The following ACO1 variants were observed in gnomAD, a reference collection of about 807,000 sequenced individuals.
ACO1 encodes cytoplasmic aconitate hydratase.
Under a neutral mutation model 105.1 loss-of-function variants are expected in ACO1, and 78 were observed. That is an observed-to-expected ratio of 0.74 (90% CI 0.62 to 0.90). The LOEUF is 0.90. Among genes scored for constraint, ACO1 ranks in the 40% least tolerant of loss-of-function variants. ACO1 has a pLI of 0.00. For missense variants in ACO1, 965 were observed against 1,111.1 expected (o/e 0.87, Z 1.87); for synonymous variants, 364 against 397.4 (o/e 0.92, Z 1.00).
chr9:32,417,299 C>G (rs1215030052), intron 4 of ACO1, among the ~76,000 whole-genome samples: 1 of 152,182 alleles, frequency 6.6e-6, no homozygotes, highest in Non-Finnish European at 1.5e-5. Flanking sequence ...GTGTTAACTA[C>G]TGGGTACTAG....
chr9:32,428,112 C>CA (rs60470407), intron 12 of ACO1, among the ~76,000 whole-genome samples: 100 of 144,886 alleles, frequency 6.9e-4, no homozygotes, highest in Middle Eastern at 3.5e-3. Flanking sequence ...CCTGTTTCTA[C>CA]AAAAAAAAAA....
At chr9:32,449,105 A>C (rs777035579) in intron 20 of ACO1, 24 bp downstream of exon 20, 19 of 1,566,034 alleles carry the variant, frequency 1.2e-5, no homozygotes, top group Non-Finnish European at 1.5e-5. Flanking sequence ...TCTCTATGCC[A>C]GGCCCTGTCG....
Position 32,453,882 on chromosome 9 carries a change from T to A in ACO1, c.*3771T>A, listed in dbSNP as rs1456486999. 6.6e-6 allele frequency: 1 copy of A among 152,224 alleles called. No homozygotes were observed. The highest frequency in any genetic ancestry group is 2.4e-5 in the African/African-American group (1 of 41,462). The allele number at this position is 152,224 out of a possible 1,614,324, so 9.4% of individuals were successfully genotyped here. On this transcript the variant is annotated 3_prime_UTR_variant, in exon 21 of 21. Transcript: ENST00000309951. ...AGCGTCATTATGAACAAAGATTATA[T>A]AACGATAGCTGATATTAAGTAAGTT...
At position 32,449,086 on chromosome 9, in the gene ACO1, G is replaced by A. The variant is rs370454449; in HGVS notation, c.2556+5G>A. On this transcript the variant is annotated splice_donor_5th_base_variant and intron_variant, in intron 20 of 20. Transcript: ENST00000309951. ...CAAATGAAAGTCCAGGTCAAGGTAA[G>A]CTGGAGCCTCTCTATGCCAGGCCCT... is the stretch of plus-strand genomic sequence containing the variant. 5.6e-6 allele frequency: 9 copies of A among 1,596,766 alleles called. No individual in the cohort carries two copies. The highest frequency in any genetic ancestry group is 6.8e-6 in the Non-Finnish European group (8 of 1,170,144).
At chr9:32,436,169 T>G in intron 17 of ACO1, 81 bp from the exon 18 acceptor site, 1 of 1,577,646 alleles carries the variant, frequency 6.3e-7, no homozygotes, top group Non-Finnish European at 8.7e-7. Context: ...TTTTGTTTTG[T>G]TTTTTTCTTT....
chr9:32,399,395 G>A (rs1410238491), intron 1 of ACO1, among the ~76,000 whole-genome samples: 1 of 152,160 alleles, frequency 6.6e-6, no homozygotes, highest in African/African-American at 2.4e-5. Context: ...GCTTTTTAAT[G>A]TCTCAACTTG....
In ACO1 at chr9:32,427,569, T is replaced by C. The variant is rs1042094648; in HGVS notation, c.1484+133T>C. 4.6e-6 allele frequency: 6 copies of C among 1,304,504 alleles called. No homozygotes were observed. In the Admixed American group the frequency reaches 1.1e-4, roughly 25 times the overall value. The allele number at this position is 1,304,504 out of a possible 1,614,324, so 80.8% of individuals were successfully genotyped here. ...TGCATAGTCGTTTATCAGTTGGTAG[T>C]TAGACTTAAACCCTTACATTCCATC... On this transcript the variant is annotated intron_variant, in intron 12 of 20. Coordinates refer to ENST00000309951, the MANE Select transcript of ACO1 (RefSeq NM_002197.3).
At chr9:32,427,248 G>T in intron 11 of ACO1, 53 bp from the exon 12 acceptor site, 1 of 1,605,530 alleles carries the variant, frequency 6.2e-7, no homozygotes, top group Non-Finnish European at 8.5e-7. Context: ...AAGTGTGCCT[G>T]GCACCTAGAG....
intron 17 of ACO1, chr9:32,436,003 G>A (rs1243103524): frequency 1.5e-6 from 1 of 650,510 alleles, no homozygotes; most frequent in Non-Finnish European, 2.8e-6. Flanking sequence ...TTTCTAACCA[G>A]ATTTGAAAGA....
At position 32,450,490 on chromosome 9, in the gene ACO1, C is replaced by G. The variant is rs900624707; in HGVS notation, c.*379C>G. The G allele has an allele frequency of 4.1e-5, 13 of 318,682 alleles. No homozygotes were observed. The Admixed American group carries it at 4.9e-4, about 12-fold the overall frequency. 19.7% of individuals were successfully genotyped at this position (318,682 alleles called of 1,614,324 possible). A position where few individuals can be genotyped will look rare whatever the true frequency, so the allele number is the denominator to read the frequency against. ...GGTGTCTCCTACCCTCTTATTGTTCCTCTTACGCTCTGCTCAATGAAACCT... is the reference window on the plus strand; with the variant it reads ...GGTGTCTCCTACCCTCTTATTGTTCGTCTTACGCTCTGCTCAATGAAACCT... On this transcript the variant is annotated 3_prime_UTR_variant, in exon 21 of 21. Coordinates refer to ENST00000309951, the MANE Select transcript of ACO1 (RefSeq NM_002197.3).
rs779935276 is a variant in ACO1 at position 32,427,415 on chromosome 9, T to C, written c.1463T>C (p.Met488Thr). 8.7e-6 allele frequency: 14 copies of C among 1,614,114 alleles called. No homozygotes were observed. The highest frequency in any genetic ancestry group is 2.2e-5 in the East Asian group (1 of 44,900). ...VTYYLQESGV[M>T]PYLSQLGFDV... ...TACTACCTACAAGAAAGCGGAGTCA[T>C]GCCTTATCTGTCTCAGCTTGGGTGA... The change falls in exon 12 of 21, where the codon ATG becomes ACG. Residue 488 changes from methionine to threonine, a missense_variant. Transcript: ENST00000309951.
chr9:32,389,085 T>C (rs1821212014), intron 1 of ACO1, among the ~76,000 whole-genome samples: 1 of 152,234 alleles, frequency 6.6e-6, no homozygotes, highest in Non-Finnish European at 1.5e-5. Context: ...AAGTGTTCCT[T>C]AGCAAGCTAT....
At position 32,450,075 on chromosome 9, in the gene ACO1, C is replaced by T; in HGVS notation, c.2634C>T (p.Gly878=). The T allele has an allele frequency of 6.2e-7, 1 of 1,613,874 alleles. No homozygotes were observed. The highest frequency in any genetic ancestry group is 8.5e-7 in the Non-Finnish European group (1 of 1,179,954). ...AGCTCACTTATTTCCTCAACGGGGG[C>T]ATCCTCAACTACATGATCCGCAAGA... ...DVELTYFLNG[G]ILNYMIRKMA... Residue 878 remains glycine (G), a synonymous_variant, in exon 21 of 21, where the codon GGC becomes GGT. Transcript: ENST00000309951.
In ACO1 at chr9:32,388,853, C is replaced by T. The variant is rs539080662; in HGVS notation, c.-23+4118C>T. ...TTTACAACATAGTAAACCTAAAATC[C>T]CAACAACGTATACTTTCGGAAGGAA... is the stretch of plus-strand genomic sequence containing the variant. On this transcript the variant is annotated intron_variant, in intron 1 of 20. Coordinates refer to ENST00000309951, the MANE Select transcript of ACO1 (RefSeq NM_002197.3). Among the ~76,000 whole-genome samples, 11 of 152,106 alleles carry T rather than the reference C, an allele frequency of 7.2e-5. No individual in the cohort carries two copies. The East Asian group carries it at 2.1e-3, about 29-fold the overall frequency.
chr9:32,412,780 G>C (rs994394568), intron 4 of ACO1, among the ~76,000 whole-genome samples: 1 of 152,164 alleles, frequency 6.6e-6, no homozygotes, highest in Non-Finnish European at 1.5e-5. Context: ...TCCTGTTTGA[G>C]ATAGGATAAA....
At chr9:32,391,016 A>G (rs1821257097) in intron 1 of ACO1, among the ~76,000 whole-genome samples, 1 of 152,206 alleles carries the variant, frequency 6.6e-6, no homozygotes, top group African/African-American at 2.4e-5. Context: ...TTTAGAATGT[A>G]TATTTAAATC....
At chr9:32,415,917 A>G (rs944807215) in intron 4 of ACO1, among the ~76,000 whole-genome samples, 3 of 151,822 alleles carry the variant, frequency 2.0e-5, no homozygotes, top group Admixed American at 6.6e-5. Flanking sequence ...ATCATCCTTC[A>G]TTTGAGGGCC....
In ACO1 at chr9:32,452,979, A is replaced by AAAAG. The variant is rs1822803267; in HGVS notation, c.*2871_*2872insGAAA. On this transcript the variant is annotated 3_prime_UTR_variant, in exon 21 of 21. Coordinates refer to ENST00000309951, the MANE Select transcript of ACO1 (RefSeq NM_002197.3). Reference sequence around the variant, plus strand: ...TCAATCACCACCCCCCCCCCCCCCAAAAAAAAAAGTATCTTGGCCAGTGTC... The same window carrying AAAAG: ...TCAATCACCACCCCCCCCCCCCCCAAAAAGAAAAAAAAGTATCTTGGCCAGTGTC... 1 of 134,740 alleles carries AAAAG rather than the reference A, an allele frequency of 7.4e-6. No individual in the cohort carries two copies. Among genetic ancestry groups the AAAAG allele is most frequent in the South Asian group, 2.8e-4 (1 of 3,528 alleles). 8.3% of individuals were successfully genotyped at this position (134,740 alleles called of 1,614,324 possible). A position where few individuals can be genotyped will look rare whatever the true frequency, so the allele number is the denominator to read the frequency against.
chr9:32,448,114 A>G (rs1194268284), intron 19 of ACO1, among the ~76,000 whole-genome samples: 2 of 152,144 alleles, frequency 1.3e-5, no homozygotes, highest in Non-Finnish European at 2.9e-5. Context: ...TCAAGCAGGG[A>G]CATTTAAGTG....
Sources: gnomAD v4.1 joint callset for allele counts (sites outside exome capture counted in the v4.1 genomes callset) on GRCh38, gnomAD v4.1.1 for gene constraint, MANE v1.5 for transcripts, NCBI Gene and HGNC (gene_info 2026-07-23, HGNC 2026-07-21) for gene names.